The following CCDC157 variants were observed in gnomAD, a reference collection of about 807,000 sequenced individuals.
The protein encoded by CCDC157 is coiled-coil domain-containing protein 157.
Under a neutral mutation model 70.9 loss-of-function variants are expected in CCDC157, and 60 were observed. The ratio of observed to expected loss-of-function variants is 0.85; its 90% CI spans 0.69 to 1.05. CCDC157 has a LOEUF of 1.05. Among genes scored for constraint, CCDC157 ranks in the 50% least tolerant of loss-of-function variants. The pLI is 0.00. For missense variants in CCDC157, 943 were observed against 984.2 expected (o/e 0.96, Z 0.56); for synonymous variants, 373 against 422.4 (o/e 0.88, Z 1.43).
chr22:30,374,246 C>G (rs992084916), intron 9 of CCDC157, 155 bp downstream of exon 9: 2 of 854,986 alleles, frequency 2.3e-6, no homozygotes, highest in African/African-American at 3.4e-5. Flanking sequence ...GGACCCACCA[C>G]AGCACGCAAG....
rs1933385620 is a variant in CCDC157 at position 30,376,613 on chromosome 22, G to C, written c.2127G>C (p.Leu709Phe). 1 of 1,613,594 alleles carries C rather than the reference G, an allele frequency of 6.2e-7. No homozygotes were observed. Among genetic ancestry groups the C allele is most frequent in the Non-Finnish European group, 8.5e-7 (1 of 1,179,966 alleles). Residue 709 changes from leucine to phenylalanine, a missense_variant, in exon 12 of 12, where the codon TTG (leucine) becomes TTC (phenylalanine). Transcript: ENST00000338306. The part of the protein sequence containing the change: ...RQPCSQPSKS[L>F]LEGVTHLDTC... ...CCTGCAGCCAGCCCAGCAAGTCCTT[G>C]CTGGAGGGTGTGACCCACTTGGACA...
At chr22:30,375,756 C>T in intron 10 of CCDC157, 93 bp downstream of exon 10, 1 of 1,114,208 alleles carries the variant, frequency 9.0e-7, no homozygotes, top group East Asian at 2.6e-5. Context: ...TGTGGAGAGC[C>T]CACCTCATCA....
upstream of CCDC157, chr22:30,356,724 A>G: frequency 1.3e-6 from 2 of 1,485,738 alleles, no homozygotes; most frequent in Non-Finnish European, 1.8e-6. Flanking sequence ...GGCGGGGGAG[A>G]GGTACCTGTT....
In CCDC157 at chr22:30,376,440, G is replaced by C. The variant is rs956976370; in HGVS notation, c.1954G>C (p.Gly652Arg). 1 of 1,613,684 alleles carries C rather than the reference G, an allele frequency of 6.2e-7. No homozygotes were observed. Among genetic ancestry groups the C allele is most frequent in the African/African-American group, 1.3e-5 (1 of 74,784 alleles). Reference protein sequence around the residue: ...QAKSTSPGPLGRQHLPSSRTG... With the variant: ...QAKSTSPGPLRRQHLPSSRTG... ...GATCTGGTTTTCCTTCAGGCCTCTG[G>C]GCAGACAGCACCTTCCTAGCAGCAG... Residue 652 changes from glycine (G) to arginine (R), a missense_variant, in exon 12 of 12, where the codon GGC becomes CGC. Gly to Arg is a moderately radical substitution (Grantham distance 125). Transcript: ENST00000338306.
intron 5 of CCDC157, 153 bp from the exon 6 acceptor site, chr22:30,371,497 G>A (rs557992150): frequency 1.9e-5 from 12 of 641,014 alleles, no homozygotes; most frequent in South Asian, 9.3e-5. Flanking sequence ...GGGCCCAGCC[G>A]CTTCCACCAG....
At chr22:30,373,532 G>A (rs1167934560) in intron 7 of CCDC157, 65 bp from the exon 8 acceptor site, 5 of 1,528,272 alleles carry the variant, frequency 3.3e-6, no homozygotes, top group Non-Finnish European at 3.5e-6. Flanking sequence ...AGCCTCCTTA[G>A]TTCCACATGG....
rs1935405402 is a variant in CCDC157 at position 30,377,040 on chromosome 22, G to A, written c.*295G>A. On this transcript the variant is annotated 3_prime_UTR_variant, in exon 12 of 12. Coordinates refer to ENST00000338306, the MANE Select transcript of CCDC157 (RefSeq NM_001017437.5). ...GGGCAGAGGAAGCTCCTAAGACCTG[G>A]GCCAGGTGAAGGTCCGTTTTTCTAT... The A allele has an allele frequency of 6.3e-6, 3 of 475,840 alleles. No homozygotes were observed. The highest frequency in any genetic ancestry group is 2.9e-5 in the South Asian group (1 of 33,910). The allele number at this position is 475,840 out of a possible 1,614,324, so 29.5% of individuals were successfully genotyped here. A position where few individuals can be genotyped will look rare whatever the true frequency, so the allele number is the denominator to read the frequency against.
At chr22:30,375,767 CAT>C (rs2145964016) in intron 10 of CCDC157, 104 bp downstream of exon 10, 6 of 967,472 alleles carry the variant, frequency 6.2e-6, no homozygotes, top group Admixed American at 5.7e-5. Flanking sequence ...CACCTCATCA[CAT>C]GAGGCCTTAG....
chr22:30,357,705 C>T (rs1334269307), intron 1 of CCDC157, among the ~76,000 whole-genome samples: 6 of 146,802 alleles, frequency 4.1e-5, no homozygotes, highest in Non-Finnish European at 6.0e-5. Context: ...TTAGTAGAGA[C>T]GGGGTTTCAC....
intron 11 of CCDC157, 42 bp downstream of exon 11, chr22:30,376,389 G>A (rs780587085): frequency 1.9e-5 from 30 of 1,612,992 alleles, no homozygotes; most frequent in Non-Finnish European, 2.5e-6. Flanking sequence ...TGAGTGGAGT[G>A]TTCCCTGCAT....
At position 30,366,059 on chromosome 22, in the gene CCDC157, A is replaced by T. The variant is rs759965965; in HGVS notation, c.59A>T (p.Asp20Val). The change falls in exon 3 of 12, where the codon GAC becomes GTC. Residue 20 changes from aspartate (D) to valine (V), a missense_variant. Asp to Val is a radical substitution (Grantham distance 152). Coordinates refer to ENST00000338306, the MANE Select transcript of CCDC157 (RefSeq NM_001017437.5). Reference sequence around the variant, plus strand: ...GAGAGCCTGCGCACAGACCTCACCGACCTGCAGGGTGCCATCGTAGACGTC... The same window carrying T: ...GAGAGCCTGCGCACAGACCTCACCGTCCTGCAGGGTGCCATCGTAGACGTC... Reference protein sequence around the residue: ...CMESLRTDLTDLQGAIVDVFS... With the variant: ...CMESLRTDLTVLQGAIVDVFS... 3.7e-6 allele frequency: 6 copies of T among 1,607,558 alleles called. No homozygotes were observed. In the Admixed American group the frequency reaches 1.0e-4, roughly 27 times the overall value.
intron 10 of CCDC157, chr22:30,375,897 G>T: frequency 1.8e-6 from 1 of 563,848 alleles, no homozygotes; most frequent in Non-Finnish European, 3.1e-6. Context: ...GCAGCAAGAA[G>T]CCTCGTCAGG....
rs753389681 is a variant in CCDC157 at position 30,373,602 on chromosome 22, G to A, written c.1341G>A (p.Leu447=). 2 of 1,553,716 alleles carry A rather than the reference G, an allele frequency of 1.3e-6. No homozygotes were observed. Among genetic ancestry groups the A allele is most frequent in the East Asian group, 4.9e-5 (2 of 41,216 alleles). Residue 447 remains leucine (L), a synonymous_variant, in exon 8 of 12, where the codon CTG becomes CTA. Transcript: ENST00000338306. ...GCTTGTCCGTTCCTGCTTAGTCTCTGCAGGCCAAGCAGCGAGCCCTGCTAA... is the reference window on the plus strand; with the variant it reads ...GCTTGTCCGTTCCTGCTTAGTCTCTACAGGCCAAGCAGCGAGCCCTGCTAA... ...VDSMVRHQES[L]QAKQRALLKQ... is the part of the protein sequence containing the mutation.
chr22:30,371,585 G>A, intron 5 of CCDC157, 65 bp from the exon 6 acceptor site: 1 of 1,344,782 alleles, frequency 7.4e-7, no homozygotes, highest in Non-Finnish European at 1.1e-6. Flanking sequence ...GGGGCACACT[G>A]GGCATGAAGG....
At chr22:30,376,370 T>C (rs1400777600) in intron 11 of CCDC157, 23 bp downstream of exon 11, 1 of 1,612,132 alleles carries the variant, frequency 6.2e-7, no homozygotes, top group Non-Finnish European at 8.5e-7. Context: ...TTACTGGAGG[T>C]GGGGCAGGTG....
chr22:30,371,857 C>T, intron 6 of CCDC157, 130 bp downstream of exon 6: 3 of 876,884 alleles, frequency 3.4e-6, no homozygotes, highest in Non-Finnish European at 5.5e-6. Context: ...GAGGGTGGGC[C>T]TGACCAACCA....
Position 30,369,573 on chromosome 22 carries a change from G to A in CCDC157, c.390G>A (p.Leu130=), listed in dbSNP as rs749466619. ...GCTTCTGGGACAGCCTGCTGAGGCTGGGCACGCTCCACCAGCAGCCACTCC... is the reference window on the plus strand; with the variant it reads ...GCTTCTGGGACAGCCTGCTGAGGCTAGGCACGCTCCACCAGCAGCCACTCC... ...VRRFWDSLLR[L]GTLHQQPLPQ... The change falls in exon 4 of 12, where the codon CTG becomes CTA. Residue 130 remains leucine, a synonymous_variant. Coordinates refer to ENST00000338306, the MANE Select transcript of CCDC157 (RefSeq NM_001017437.5). The A allele has an allele frequency of 3.1e-5, 50 of 1,588,326 alleles. 1 individual carries two copies. The South Asian group carries it at 5.3e-4, about 17-fold the overall frequency.
At chr22:30,359,685 A>G (rs182199552) in intron 1 of CCDC157, among the ~76,000 whole-genome samples, 1 of 152,232 alleles carries the variant, frequency 6.6e-6, no homozygotes, top group Non-Finnish European at 1.5e-5. Flanking sequence ...ATACCATAAA[A>G]ATGTTAAAAA....
At chr22:30,365,878 C>A in intron 2 of CCDC157, 112 bp from the exon 3 acceptor site, 1 of 1,063,994 alleles carries the variant, frequency 9.4e-7, no homozygotes, top group Non-Finnish European at 1.3e-6. Flanking sequence ...TCCCCAGGGT[C>A]TGGGGTGAAC....
Sources: allele counts gnomAD v4.1 joint callset (sites outside exome capture counted in the v4.1 genomes callset), GRCh38; gene constraint gnomAD v4.1.1; transcripts MANE v1.5; gene names NCBI Gene and HGNC (gene_info 2026-07-23, HGNC 2026-07-21).